Variants in GABRG3 observed in about 807,000 individuals in gnomAD.
GABRG3 encodes gamma-aminobutyric acid receptor subunit gamma-3.
GABRG3 carries 25 observed loss-of-function variants against 48.8 expected under a neutral mutation model. That is an observed-to-expected ratio of 0.51 (90% CI 0.37 to 0.72). GABRG3 has a LOEUF of 0.72. Ranked by LOEUF, GABRG3 falls within the 30% of genes least tolerant of loss-of-function variation. GABRG3 has a pLI of 0.00. For missense variants in GABRG3, 394 were observed against 577.9 expected (o/e 0.68, Z 3.26); for synonymous variants, 227 against 217.6 (o/e 1.04, Z -0.38).
At chr15:27,148,746 A>G (rs1311924353) in intron 3 of GABRG3, among the ~76,000 whole-genome samples, 1 of 152,028 alleles carries the variant, frequency 6.6e-6, no homozygotes, top group African/African-American at 2.4e-5. Flanking sequence ...AGGCACAAAA[A>G]TAACAGAATC....
In GABRG3 at chr15:27,343,133, C is replaced by T. The variant is rs150332001; in HGVS notation, c.574+14245C>T. On this transcript the variant is annotated intron_variant, in intron 5 of 9. Coordinates refer to ENST00000615808, the MANE Select transcript of GABRG3 (RefSeq NM_033223.5). The stretch of plus-strand genomic sequence containing the variant: ...TCATGGATGGTACTGTGCAGTGCCT[C>T]GGGCTCATCTGACCATTCACAGTTG... 5.5e-3 allele frequency among the ~76,000 whole-genome samples: 840 copies of T among 152,250 alleles called. 8 individuals are homozygous for T. The highest frequency in any genetic ancestry group is 0.019 in the African/African-American group (799 of 41,548).
chr15:27,391,087 CA>C (rs754876404), intron 5 of GABRG3, among the ~76,000 whole-genome samples: 204 of 132,506 alleles, frequency 1.5e-3, no homozygotes, highest in Admixed American at 1.9e-3. Context: ...GACTCCATCT[CA>C]AAAAAAAAAA....
At chr15:27,489,263 T>C (rs1336855026) in intron 6 of GABRG3, among the ~76,000 whole-genome samples, 1 of 152,246 alleles carries the variant, frequency 6.6e-6, no homozygotes, top group Non-Finnish European at 1.5e-5. Context: ...CACATTTTCT[T>C]TATCCAGTCT....
chr15:27,358,871 A>T lies in GABRG3; in HGVS notation c.574+29983A>T, dbSNP rs115801182. On this transcript the variant is annotated intron_variant, in intron 5 of 9. Transcript: ENST00000615808. ...GCTCTGGGAGCTTGTTGGTTTGAGC[A>T]CCCTGAAGCTCCGTGCAATGCCCGC... is the stretch of plus-strand genomic sequence containing the variant. Among the ~76,000 whole-genome samples the T allele has an allele frequency of 4.3e-3, 659 of 152,140 alleles. 7 individuals are homozygous for T. The highest frequency in any genetic ancestry group is 0.015 in the African/African-American group (619 of 41,528).
At chr15:27,190,477 T>G (rs1054209981) in intron 3 of GABRG3, among the ~76,000 whole-genome samples, 1 of 152,188 alleles carries the variant, frequency 6.6e-6, no homozygotes, top group Non-Finnish European at 1.5e-5. Flanking sequence ...GTTGAGGAAT[T>G]TATCCATTTC....
At chr15:27,451,948 T>C (rs1364679359) in intron 5 of GABRG3, among the ~76,000 whole-genome samples, 1 of 152,198 alleles carries the variant, frequency 6.6e-6, no homozygotes, top group East Asian at 1.9e-4. Context: ...TGTAGTAAAA[T>C]GTTGTCATAA....
intron 3 of GABRG3, among the ~76,000 whole-genome samples, chr15:27,029,471 A>T (rs1312795398): frequency 1.3e-5 from 2 of 152,054 alleles, no homozygotes. Context: ...GCACACATGC[A>T]CACACTCGTG....
At chr15:27,278,221 T>C (rs1468891560) in intron 3 of GABRG3, among the ~76,000 whole-genome samples, 1 of 152,050 alleles carries the variant, frequency 6.6e-6, no homozygotes, top group African/African-American at 2.4e-5. Context: ...CCGGCTAATT[T>C]TTGTATTTTT....
rs367888247 is a variant in GABRG3, at chr15:27,306,300, CAT to C, written c.271-20501_271-20500del. Among the ~76,000 whole-genome samples the C allele has an allele frequency of 2.3e-3, 307 of 134,986 alleles. 14 individuals carry two copies. Among genetic ancestry groups the C allele is most frequent in the African/African-American group, 5.8e-3 (203 of 34,956 alleles). 88.6% of individuals were successfully genotyped at this position (134,986 alleles called of 152,430 possible). On this transcript the variant is annotated intron_variant, in intron 3 of 9. Transcript: ENST00000615808. ...TAACATAAACATGTCTATATATAAA[CAT>C]ATATATAATATAAACATGTCTATAT... is the stretch of plus-strand genomic sequence containing the variant.
chr15:27,397,835 C>T (rs192661507), intron 5 of GABRG3, among the ~76,000 whole-genome samples: 4 of 147,192 alleles, frequency 2.7e-5, no homozygotes, highest in East Asian at 2.0e-4. Flanking sequence ...GACGGAGTCT[C>T]GCTCTGTGGC....
intron 5 of GABRG3, among the ~76,000 whole-genome samples, chr15:27,392,766 T>C (rs531926764): frequency 1.3e-5 from 2 of 152,330 alleles, no homozygotes; most frequent in South Asian, 2.1e-4. Context: ...TTTGCTTCTA[T>C]CAGTAGAGAC....
At position 27,521,995 on chromosome 15, in the gene GABRG3, G is replaced by A. The variant is rs375298491; in HGVS notation, c.865+1871G>A. ...AGTGGTTAAGAAATTCCAATGTTTG[G>A]TGAAAAACATCAGCCTACAAATTCA... On this transcript the variant is annotated intron_variant, in intron 7 of 9. Coordinates refer to ENST00000615808, the MANE Select transcript of GABRG3 (RefSeq NM_033223.5). Among the ~76,000 whole-genome samples the A allele has an allele frequency of 1.1e-4, 16 of 152,044 alleles. No homozygotes were observed. The East Asian group carries it at 1.5e-3, about 15-fold the overall frequency.
At chr15:27,380,414 G>C (rs1895730113) in intron 5 of GABRG3, among the ~76,000 whole-genome samples, 1 of 149,638 alleles carries the variant, frequency 6.7e-6, no homozygotes, top group Non-Finnish European at 1.5e-5. Flanking sequence ...TATTTAAACT[G>C]TGTGTGTGTG....
intron 5 of GABRG3, among the ~76,000 whole-genome samples, chr15:27,408,063 C>T (rs1230538890): frequency 2.0e-5 from 3 of 152,024 alleles, no homozygotes; most frequent in African/African-American, 7.2e-5. Context: ...CATGGGGTAT[C>T]TCTATAACTT....
chr15:27,338,489 A>T (rs905866195), intron 5 of GABRG3, among the ~76,000 whole-genome samples: 1 of 152,138 alleles, frequency 6.6e-6, no homozygotes, highest in Non-Finnish European at 1.5e-5. Flanking sequence ...GGTTAAGTTC[A>T]TTGCTATTAA....
rs560809475 is a variant in GABRG3, at chr15:27,306,578, A to G, written c.271-20231A>G. 1.3e-4 allele frequency among the ~76,000 whole-genome samples: 6 copies of G among 45,706 alleles called. No individual in the cohort carries two copies. In the South Asian group the frequency reaches 2.3e-3, roughly 17 times the overall value. The allele number at this position is 45,706 out of a possible 152,430, so 30.0% of individuals were successfully genotyped here. ...ATATAATATAAACATATATGTTTAT[A>G]TATAAACATATAATATAAACATATG... On this transcript the variant is annotated intron_variant, in intron 3 of 9. Coordinates refer to ENST00000615808, the MANE Select transcript of GABRG3 (RefSeq NM_033223.5).
At chr15:27,309,296 A>T (rs555696930) in intron 3 of GABRG3, among the ~76,000 whole-genome samples, 51 of 147,750 alleles carry the variant, frequency 3.5e-4, no homozygotes, top group Admixed American at 3.3e-3. Flanking sequence ...TCTGTGTTTT[A>T]TATATGTGTG....
intron 3 of GABRG3, among the ~76,000 whole-genome samples, chr15:27,159,895 C>T (rs1057271995): frequency 2.0e-5 from 3 of 152,180 alleles, no homozygotes; most frequent in Non-Finnish European, 4.4e-5. Context: ...CATCCAAGCA[C>T]TGTAGTGTTT....
At chr15:27,218,468 C>T (rs1336027794) in intron 3 of GABRG3, among the ~76,000 whole-genome samples, 2 of 152,152 alleles carry the variant, frequency 1.3e-5, no homozygotes, top group African/African-American at 2.4e-5. Context: ...AATCCACATC[C>T]CAAAGTGACA....
Sources: gnomAD v4.1 joint callset for allele counts (sites outside exome capture counted in the v4.1 genomes callset) on GRCh38, gnomAD v4.1.1 for gene constraint, MANE v1.5 for transcripts, NCBI Gene and HGNC (gene_info 2026-07-23, HGNC 2026-07-21) for gene names.